The following CDH13 variants were observed in gnomAD, a reference collection of about 807,000 sequenced individuals.
CDH13 encodes the protein cadherin-13.
A neutral mutation model predicts 63.8 loss-of-function variants in CDH13; 24 were observed. The ratio of observed to expected loss-of-function variants is 0.38; its 90% CI spans 0.27 to 0.53. The LOEUF is 0.53. CDH13 is among the 20% of genes least tolerant of loss of function. CDH13 has a pLI of 0.85. For missense variants in CDH13, 1,049 were observed against 903.1 expected, an observed-to-expected ratio of 1.16 and a Z score of -2.07; for synonymous variants, 503 against 355.3, an observed-to-expected ratio of 1.42 and a Z score of -4.67.
intron 3 of CDH13, among the ~76,000 whole-genome samples, chr16:83,069,166 AT>A (rs1019040835): frequency 6.6e-6 from 1 of 152,130 alleles, no homozygotes; most frequent in African/African-American, 2.4e-5. Flanking sequence ...ATCTTGAATT[AT>A]TTTTGTCAAT....
At chr16:83,060,714 C>T (rs1284756788) in intron 3 of CDH13, among the ~76,000 whole-genome samples, 1 of 152,184 alleles carries the variant, frequency 6.6e-6, no homozygotes, top group Non-Finnish European at 1.5e-5. Context: ...CATCTCAGAT[C>T]TCTGCATTAG....
chr16:82,831,115 A>T (rs1410379709), intron 1 of CDH13, among the ~76,000 whole-genome samples: 3 of 152,112 alleles, frequency 2.0e-5, no homozygotes, highest in Non-Finnish European at 4.4e-5. Context: ...TCAGAAATGC[A>T]GCACCTAGGC....
intron 1 of CDH13, among the ~76,000 whole-genome samples, chr16:82,796,943 C>A (rs2036610763): frequency 6.6e-6 from 1 of 152,160 alleles, no homozygotes; most frequent in African/African-American, 2.4e-5. Context: ...TAAGTTTGCT[C>A]CTTACAACTA....
intron 4 of CDH13, among the ~76,000 whole-genome samples, chr16:83,195,173 A>C (rs574950854): frequency 2.0e-5 from 3 of 152,270 alleles, no homozygotes; most frequent in South Asian, 2.1e-4. Flanking sequence ...AACAGTTGAG[A>C]GTCCATTATG....
At chr16:82,741,299 C>G (rs928610722) in intron 1 of CDH13, among the ~76,000 whole-genome samples, 2 of 152,114 alleles carry the variant, frequency 1.3e-5, no homozygotes, top group African/African-American at 4.8e-5. Context: ...ATGTTATTTC[C>G]TTTGCTGGGA....
At chr16:83,228,843 T>C (rs1352227773) in intron 5 of CDH13, among the ~76,000 whole-genome samples, 1 of 152,066 alleles carries the variant, frequency 6.6e-6, no homozygotes, top group African/African-American at 2.4e-5. Flanking sequence ...ATGATCAGAT[T>C]TGGATTTTAC....
At chr16:83,503,241 AT>A (rs2074325054) in intron 7 of CDH13, among the ~76,000 whole-genome samples, 1 of 152,236 alleles carries the variant, frequency 6.6e-6, no homozygotes, top group Non-Finnish European at 1.5e-5. Flanking sequence ...CCCCTCCCAA[AT>A]TAGAACTCCT....
At chr16:83,415,981 A>G (rs2092194934) in intron 6 of CDH13, among the ~76,000 whole-genome samples, 1 of 152,230 alleles carries the variant, frequency 6.6e-6, no homozygotes, top group African/African-American at 2.4e-5. Context: ...AGACAAAATG[A>G]TCTCACATAT....
intron 6 of CDH13, among the ~76,000 whole-genome samples, chr16:83,414,780 T>G (rs775801845): frequency 6.6e-6 from 1 of 152,222 alleles, no homozygotes; most frequent in Non-Finnish European, 1.5e-5. Flanking sequence ...TCATATTTTA[T>G]TCTATGTATG....
At chr16:83,577,064 A>T (rs1229718319) in intron 7 of CDH13, among the ~76,000 whole-genome samples, 1 of 152,226 alleles carries the variant, frequency 6.6e-6, no homozygotes, top group Admixed American at 6.5e-5. Flanking sequence ...AAGGACTCCC[A>T]TATGCAATTA....
At chr16:83,571,787 G>C (rs1049265783) in intron 7 of CDH13, among the ~76,000 whole-genome samples, 2 of 152,062 alleles carry the variant, frequency 1.3e-5, no homozygotes, top group Non-Finnish European at 2.9e-5. Context: ...ATATCCTGTG[G>C]TTTGTCTCAA....
chr16:83,499,333 T>G (rs539408339), intron 7 of CDH13, among the ~76,000 whole-genome samples: 1 of 152,234 alleles, frequency 6.6e-6, no homozygotes, highest in African/African-American at 2.4e-5. Context: ...CAAAAGGATT[T>G]GTGTGATGTT....
intron 7 of CDH13, among the ~76,000 whole-genome samples, chr16:83,538,688 AAGAAAGGCATAGCTCTT>A (rs2075242340): frequency 6.6e-6 from 1 of 152,188 alleles, no homozygotes; most frequent in Admixed American, 6.5e-5. Flanking sequence ...TAGGCACAGA[AAGAAAGGCATAGCTCTT>A]AGATTAGCAG....
chr16:83,197,926 T>G (rs1346914658), intron 4 of CDH13, among the ~76,000 whole-genome samples: 1 of 152,116 alleles, frequency 6.6e-6, no homozygotes, highest in Non-Finnish European at 1.5e-5. Flanking sequence ...GTACCACAGT[T>G]TAACATTAGG....
At chr16:83,018,963 C>G (rs117204112) in intron 2 of CDH13, among the ~76,000 whole-genome samples, 4,647 of 152,236 alleles carry the variant, frequency 0.031, 100 homozygotes, top group Non-Finnish European at 0.045. Flanking sequence ...CTGGGTGAGT[C>G]AGTGAGTGAG....
At position 83,233,340 on chromosome 16, in the gene CDH13, C is replaced by T. The variant is rs12448007; in HGVS notation, c.636+15843C>T. ...TGTTGATGATCATAAGCAGTGCTTGCAGGCTTGGCTAGTCCTTCACAGATG... is the reference window on the plus strand; with the variant it reads ...TGTTGATGATCATAAGCAGTGCTTGTAGGCTTGGCTAGTCCTTCACAGATG... On this transcript the variant is annotated intron_variant, in intron 5 of 13. Coordinates refer to ENST00000567109, the MANE Select transcript of CDH13 (RefSeq NM_001257.5). 6.7e-3 allele frequency among the ~76,000 whole-genome samples: 1,022 copies of T among 152,344 alleles called. 43 individuals are homozygous for T. The highest frequency in any genetic ancestry group is 0.061 in the Admixed American group (927 of 15,300).
At chr16:82,743,941 C>T (rs2034047261) in intron 1 of CDH13, among the ~76,000 whole-genome samples, 1 of 152,140 alleles carries the variant, frequency 6.6e-6, no homozygotes, top group East Asian at 1.9e-4. Flanking sequence ...GTTCATCTGG[C>T]ATGTATTAGG....
In CDH13 at chr16:83,339,983, A is replaced by T. The variant is rs117746098; in HGVS notation, c.637-4879A>T. Among the ~76,000 whole-genome samples the T allele has an allele frequency of 7.8e-4, 119 of 152,266 alleles. No homozygotes were observed. The East Asian group carries it at 8.3e-3, about 11-fold the overall frequency. On this transcript the variant is annotated intron_variant, in intron 5 of 13. Coordinates refer to ENST00000567109, the MANE Select transcript of CDH13 (RefSeq NM_001257.5). The stretch of plus-strand genomic sequence containing the variant: ...GAAAATAATTCTGTTGGGGTCCAAA[A>T]ATCACACCAAGGCTAAGGCAATACA...
At position 83,167,219 on chromosome 16, in the gene CDH13, G is replaced by A. The variant is rs192885585; in HGVS notation, c.483+41718G>A. Among the ~76,000 whole-genome samples the A allele has an allele frequency of 4.0e-3, 601 of 151,468 alleles. 4 individuals carry two copies. Among genetic ancestry groups the A allele is most frequent in the African/African-American group, 0.014 (565 of 41,328 alleles). ...TAGTATTAAAAAAAAAAAAAAGGCCGGGCACAGTGGCTCACGCCTGTAATC... is the reference window on the plus strand; with the variant it reads ...TAGTATTAAAAAAAAAAAAAAGGCCAGGCACAGTGGCTCACGCCTGTAATC... On this transcript the variant is annotated intron_variant, in intron 4 of 13. Transcript: ENST00000567109.
Sources: allele counts gnomAD v4.1 joint callset (sites outside exome capture counted in the v4.1 genomes callset), GRCh38; gene constraint gnomAD v4.1.1; transcripts MANE v1.5; gene names NCBI Gene and HGNC (gene_info 2026-07-23, HGNC 2026-07-21).